CHCHD3: variants seen among roughly 807,000 people sequenced by gnomAD.
CHCHD3 encodes MICOS complex subunit MIC19.
Under a neutral mutation model 38.2 loss-of-function variants are expected in CHCHD3, and 20 were observed. The observed-to-expected ratio is 0.52, with a 90% CI of 0.37 to 0.76. The LOEUF (loss-of-function observed/expected upper bound fraction) is 0.76. Among genes scored for constraint, CHCHD3 ranks in the 30% least tolerant of loss-of-function variants. The probability of loss-of-function intolerance (pLI) is 0.00; values close to 1 mark genes in which losing one functional copy is unlikely to be tolerated. For synonymous variants in CHCHD3, 82 were observed against 100.0 expected, an observed-to-expected ratio of 0.82 and a Z score of 1.07; for missense variants, 245 against 279.2, an observed-to-expected ratio of 0.88 and a Z score of 0.87.
At chr7:133,053,253 C>A (rs369666103) in intron 2 of CHCHD3, among the ~76,000 whole-genome samples, 2 of 152,216 alleles carry the variant, frequency 1.3e-5, no homozygotes, top group Non-Finnish European at 2.9e-5. Context: ...TATCAATATT[C>A]GTGCTCCTTT....
intron 4 of CHCHD3, among the ~76,000 whole-genome samples, chr7:132,940,802 G>A (rs1810747116): frequency 6.6e-6 from 1 of 152,068 alleles, no homozygotes; most frequent in African/African-American, 2.4e-5. Context: ...GCTAGGCATG[G>A]GGCATCAGGT....
At chr7:132,905,680 C>T (rs768800301) in intron 4 of CHCHD3, among the ~76,000 whole-genome samples, 22 of 152,136 alleles carry the variant, frequency 1.4e-4, no homozygotes, top group Non-Finnish European at 2.8e-4. Context: ...ATATGTTATT[C>T]CAAACATAAC....
At chr7:132,838,542 A>G in intron 5 of CHCHD3, 73 bp from the exon 6 acceptor site, 2 of 1,105,288 alleles carry the variant, frequency 1.8e-6, no homozygotes, top group Non-Finnish European at 2.7e-6. Flanking sequence ...TACAACTTCA[A>G]AAAACACATA....
chr7:132,935,978 C>T (rs1810624070), intron 4 of CHCHD3, among the ~76,000 whole-genome samples: 1 of 152,096 alleles, frequency 6.6e-6, no homozygotes, highest in South Asian at 2.1e-4. Flanking sequence ...ATCAGGAGAC[C>T]ATTGCCTGGA....
At chr7:132,963,928 A>G (rs1811394363) in intron 4 of CHCHD3, among the ~76,000 whole-genome samples, 1 of 152,234 alleles carries the variant, frequency 6.6e-6, no homozygotes, top group South Asian at 2.1e-4. Context: ...TAACAATTAT[A>G]CAACTACATC....
At chr7:132,963,060 G>C (rs2117309865) in intron 4 of CHCHD3, among the ~76,000 whole-genome samples, 1 of 151,266 alleles carries the variant, frequency 6.6e-6, no homozygotes, top group South Asian at 2.1e-4. Context: ...GATTATGTAA[G>C]AAACACTGAT....
intron 2 of CHCHD3, among the ~76,000 whole-genome samples, chr7:133,046,038 A>T (rs1813973113): frequency 6.6e-6 from 1 of 152,218 alleles, no homozygotes; most frequent in African/African-American, 2.4e-5. Context: ...TCTTTATAGC[A>T]GTGCAAGAAC....
chr7:133,043,458 A>G lies in CHCHD3; in HGVS notation c.170-18831T>C, dbSNP rs1221675867. 2.0e-5 allele frequency among the ~76,000 whole-genome samples: 3 copies of G among 152,234 alleles called. No individual in the cohort carries two copies. The East Asian group carries it at 5.8e-4, about 29-fold the overall frequency. ...GGAGTCTGAGACCAGCCTGGCCATC[A>G]TGGCGAAACTCCGTGTCTACTAAAA... On this transcript the variant is annotated intron_variant, in intron 2 of 7. Coordinates refer to ENST00000262570, the MANE Select transcript of CHCHD3 (RefSeq NM_017812.4).
chr7:132,974,546 G>A (rs1811708359), intron 4 of CHCHD3, among the ~76,000 whole-genome samples: 1 of 151,806 alleles, frequency 6.6e-6, no homozygotes, highest in African/African-American at 2.4e-5. Context: ...TGACCCCTGA[G>A]GTTTCAAAGA....
Position 133,047,537 on chromosome 7 carries a change from T to C in CHCHD3, c.169+22605A>G, listed in dbSNP as rs549211382. On this transcript the variant is annotated intron_variant, in intron 2 of 7. Coordinates refer to ENST00000262570, the MANE Select transcript of CHCHD3 (RefSeq NM_017812.4). ...GAGGATAACACATTTATAAACTGTG[T>C]TGGAATGTTTTTGTTCAAATATGTT... 3.9e-5 allele frequency among the ~76,000 whole-genome samples: 6 copies of C among 152,342 alleles called. No homozygotes were observed. In the South Asian group the frequency reaches 1.2e-3, roughly 32 times the overall value.
Position 132,788,613 on chromosome 7 carries a change from G to T in CHCHD3, c.661-2953C>A, listed in dbSNP as rs542624834. Among the ~76,000 whole-genome samples the T allele has an allele frequency of 1.3e-5, 2 of 152,172 alleles. No individual in the cohort carries two copies. Among genetic ancestry groups the T allele is most frequent in the African/African-American group, 4.8e-5 (2 of 41,432 alleles). The stretch of plus-strand genomic sequence containing the variant: ...AATCATATCATGCTAAGAATGTTAG[G>T]CTCTCTTTCAGAAAGAGACAAGATG... On this transcript the variant is annotated intron_variant, in intron 7 of 7. Transcript: ENST00000262570. The surrounding 1 kb of genome is among the most constrained non-coding windows in gnomAD (Gnocchi z 4.0).
chr7:132,874,848 T>C (rs1808856203), intron 5 of CHCHD3, among the ~76,000 whole-genome samples: 1 of 152,142 alleles, frequency 6.6e-6, no homozygotes, highest in Admixed American at 6.6e-5. Flanking sequence ...AGGAAGAGAA[T>C]TCAGAGAGAA....
At chr7:133,075,294 A>G (rs1814947876) in intron 1 of CHCHD3, among the ~76,000 whole-genome samples, 1 of 152,130 alleles carries the variant, frequency 6.6e-6, no homozygotes, top group African/African-American at 2.4e-5. Context: ...TATATACTAA[A>G]CCTATTGAAG....
At chr7:132,815,669 A>G (rs1166794703) in intron 6 of CHCHD3, 5 of 449,516 alleles carry the variant, frequency 1.1e-5, no homozygotes, top group Non-Finnish European at 2.2e-5. Flanking sequence ...CAGAGAAAAG[A>G]TATGAAAATT....
At chr7:132,857,429 C>T (rs567764527) in intron 5 of CHCHD3, among the ~76,000 whole-genome samples, 7 of 152,178 alleles carry the variant, frequency 4.6e-5, no homozygotes, top group South Asian at 4.1e-4. Flanking sequence ...TTTTTTGAGA[C>T]GGAGTTCTGC....
At chr7:132,979,846 A>G (rs2117341867) in intron 3 of CHCHD3, among the ~76,000 whole-genome samples, 1 of 152,280 alleles carries the variant, frequency 6.6e-6, no homozygotes, top group East Asian at 1.9e-4. Flanking sequence ...AAATTGTACC[A>G]TTCTCCATTT....
intron 4 of CHCHD3, among the ~76,000 whole-genome samples, chr7:132,897,750 T>C (rs940164915): frequency 6.6e-6 from 1 of 152,254 alleles, no homozygotes; most frequent in Non-Finnish European, 1.5e-5. Context: ...TATTGCACAC[T>C]ACACTAAAAA....
chr7:133,080,772 A>G (rs1364954893), intron 1 of CHCHD3, among the ~76,000 whole-genome samples: 1 of 152,252 alleles, frequency 6.6e-6, no homozygotes, highest in Non-Finnish European at 1.5e-5. Context: ...TTAATAAATT[A>G]TTCTCAAGGT....
intron 4 of CHCHD3, among the ~76,000 whole-genome samples, chr7:132,915,320 G>A (rs533868994): frequency 2.8e-4 from 42 of 152,232 alleles, no homozygotes; most frequent in African/African-American, 9.4e-4. Flanking sequence ...AACAGACTGA[G>A]CCCAGTTAGG....
Sources: gnomAD v4.1 joint callset for allele counts (sites outside exome capture counted in the v4.1 genomes callset) on GRCh38, gnomAD v4.1.1 for gene constraint, Gnocchi (gnomAD v3.1) non-coding constraint, MANE v1.5 for transcripts, NCBI Gene and HGNC (gene_info 2026-07-23, HGNC 2026-07-21) for gene names.